WWOX: variants seen among roughly 807,000 people sequenced by gnomAD.
WWOX encodes the protein WW domain-containing oxidoreductase.
In WWOX, 69 loss-of-function variants were observed where a neutral mutation model predicts 46.2. The observed-to-expected ratio is 1.49, with a 90% CI of 1.23 to 1.82. The LOEUF is 1.82. Ranked by LOEUF, WWOX falls within the 40% of genes most tolerant of loss-of-function variation. The probability of loss-of-function intolerance (pLI) is 0.00; values close to 1 mark genes in which losing one functional copy is unlikely to be tolerated. For missense variants in WWOX, 919 were observed against 542.6 expected (o/e 1.69, Z -6.89); for synonymous variants, 359 against 202.6 (o/e 1.77, Z -6.56).
intron 8 of WWOX, among the ~76,000 whole-genome samples, chr16:78,744,414 C>A (rs2049299364): frequency 6.9e-6 from 1 of 145,434 alleles, no homozygotes; most frequent in South Asian, 2.1e-4. Context: ...GGCCCATGGT[C>A]CACACTGCTT....
intron 8 of WWOX, among the ~76,000 whole-genome samples, chr16:78,999,670 T>G (rs73567364): frequency 0.025 from 3,763 of 152,204 alleles, 167 homozygotes; most frequent in African/African-American, 0.086. Context: ...CCAGAGTGAT[T>G]GGTGATAAAA....
intron 8 of WWOX, among the ~76,000 whole-genome samples, chr16:79,154,497 CTT>C (rs1456226244): frequency 1.5e-5 from 2 of 132,040 alleles, no homozygotes; most frequent in Non-Finnish European, 3.2e-5. Flanking sequence ...TTAAAATCCT[CTT>C]TTGCAAAAAA....
At chr16:78,862,185 T>C (rs1305253244) in intron 8 of WWOX, among the ~76,000 whole-genome samples, 1 of 151,708 alleles carries the variant, frequency 6.6e-6, no homozygotes, top group Non-Finnish European at 1.5e-5. Flanking sequence ...CACCGATGGG[T>C]GTGTCTGTCT....
intron 7 of WWOX, among the ~76,000 whole-genome samples, chr16:78,426,687 T>A (rs558808160): frequency 1.1e-4 from 16 of 152,064 alleles, no homozygotes; most frequent in Non-Finnish European, 1.9e-4. Context: ...TTATTTGACA[T>A]GGAGTCTTGA....
chr16:78,642,405 C>G (rs1221457392), intron 8 of WWOX, among the ~76,000 whole-genome samples: 1 of 152,176 alleles, frequency 6.6e-6, no homozygotes, highest in Non-Finnish European at 1.5e-5. Context: ...AAGTCTCTCT[C>G]CTTGCTTCTT....
At chr16:78,901,918 C>T (rs1597127254) in intron 8 of WWOX, among the ~76,000 whole-genome samples, 1 of 152,210 alleles carries the variant, frequency 6.6e-6, no homozygotes, top group Non-Finnish European at 1.5e-5. Flanking sequence ...GGGCGTCCCT[C>T]CGCACCTCAC....
intron 8 of WWOX, among the ~76,000 whole-genome samples, chr16:78,656,849 A>C (rs1469371371): frequency 6.6e-6 from 1 of 152,136 alleles, no homozygotes; most frequent in East Asian, 1.9e-4. Context: ...GATGTGTTTC[A>C]TGGGAAACAG....
At chr16:79,004,576 G>A (rs894585485) in intron 8 of WWOX, 13 of 152,254 alleles carry the variant, frequency 8.5e-5, no homozygotes, top group African/African-American at 3.1e-4. Flanking sequence ...ATCCCTTCAG[G>A]CCTCTGGCTT....
At chr16:79,139,030 C>T (rs1199584498) in intron 8 of WWOX, among the ~76,000 whole-genome samples, 1 of 152,162 alleles carries the variant, frequency 6.6e-6, no homozygotes, top group Non-Finnish European at 1.5e-5. Context: ...ATTACAGAAA[C>T]TGCCCTGAAC....
rs2083246915 is a variant in WWOX at position 78,432,523 on chromosome 16, A to C, written c.827A>C (p.Asp276Ala). 1.9e-6 allele frequency: 3 copies of C among 1,614,142 alleles called. No homozygotes were observed. The East Asian group carries it at 6.7e-5, about 36-fold the overall frequency. Residue 276 changes from aspartate to alanine, a missense_variant, in exon 8 of 9, where the codon GAC becomes GCC. By Grantham distance (126) the Asp-to-Ala change is moderately radical. Transcript: ENST00000566780. ...ATTAACGACTCCTTGGGAAAACTGG[A>C]CTTCAGTCGCCTCTCTCCAACAAAA... ...TDINDSLGKL[D>A]FSRLSPTKND...
chr16:78,712,026 CAT>C (rs2048454932), intron 8 of WWOX, among the ~76,000 whole-genome samples: 2 of 152,178 alleles, frequency 1.3e-5, no homozygotes, highest in South Asian at 2.1e-4. Context: ...TCCTCCCAAT[CAT>C]AGGGCGCCTG....
intron 8 of WWOX, among the ~76,000 whole-genome samples, chr16:78,745,111 C>G (rs1054455287): frequency 6.6e-6 from 1 of 152,112 alleles, no homozygotes; most frequent in African/African-American, 2.4e-5. Flanking sequence ...ACTATAGGAG[C>G]CAAGACTAGT....
chr16:78,372,557 A>C (rs1044315157), intron 5 of WWOX, among the ~76,000 whole-genome samples: 1 of 152,166 alleles, frequency 6.6e-6, no homozygotes, highest in South Asian at 2.1e-4. Context: ...TCTGGAGGGA[A>C]GTGCCCTGTC....
intron 8 of WWOX, among the ~76,000 whole-genome samples, chr16:78,982,825 C>T (rs1597236218): frequency 6.6e-6 from 1 of 152,120 alleles, no homozygotes. Context: ...AATGAATACC[C>T]TTCTGAGCCC....
chr16:78,567,236 C>T (rs1374096719), intron 8 of WWOX, among the ~76,000 whole-genome samples: 1 of 152,164 alleles, frequency 6.6e-6, no homozygotes, highest in Non-Finnish European at 1.5e-5. Flanking sequence ...AGGGTCTTTG[C>T]TCTTCCACTG....
At chr16:79,003,467 C>T (rs952478244) in intron 8 of WWOX, among the ~76,000 whole-genome samples, 4 of 152,150 alleles carry the variant, frequency 2.6e-5, no homozygotes, top group African/African-American at 9.7e-5. Flanking sequence ...TGGCGTAAAA[C>T]GACAACAGTT....
At chr16:78,463,515 G>A (rs985540209) in intron 8 of WWOX, among the ~76,000 whole-genome samples, 2 of 152,176 alleles carry the variant, frequency 1.3e-5, no homozygotes, top group Non-Finnish European at 2.9e-5. Context: ...TGATAAACAT[G>A]TAACTGGTCA....
At chr16:78,691,380 C>T (rs1172997909) in intron 8 of WWOX, 6 of 680,048 alleles carry the variant, frequency 8.8e-6, no homozygotes, top group East Asian at 2.7e-5. Context: ...AGGAAATCTC[C>T]TAAGTTGGCC....
intron 8 of WWOX, among the ~76,000 whole-genome samples, chr16:78,780,608 A>G (rs967193246): frequency 6.6e-6 from 1 of 152,336 alleles, no homozygotes; most frequent in Admixed American, 6.5e-5. Flanking sequence ...GGAGGAGGAA[A>G]GACAGGGAAG....
Sources: gnomAD v4.1 joint callset for allele counts (sites outside exome capture counted in the v4.1 genomes callset) on GRCh38, gnomAD v4.1.1 for gene constraint, MANE v1.5 for transcripts, NCBI Gene and HGNC (gene_info 2026-07-23, HGNC 2026-07-21) for gene names.